RORA: variants seen among roughly 807,000 people sequenced by gnomAD.
RORA encodes the protein RAR related orphan receptor A, also known as nuclear receptor ROR-alpha.
Under a neutral mutation model 69.5 loss-of-function variants are expected in RORA, and 7 were observed. That is an observed-to-expected ratio of 0.10 (90% CI 0.06 to 0.19). RORA has a LOEUF of 0.19. Ranked by LOEUF, RORA falls within the 10% of genes least tolerant of loss-of-function variation. RORA has a pLI of 1.00. For synonymous variants in RORA, 261 were observed against 240.8 expected, an observed-to-expected ratio of 1.08 and a Z score of -0.78; for missense variants, 457 against 663.0, an observed-to-expected ratio of 0.69 and a Z score of 3.41.
Position 60,866,850 on chromosome 15 carries a change from A to ATCTATCTG in RORA, c.167-188165_167-188164insCAGATAGA, listed in dbSNP as rs1267155650. On this transcript the variant is annotated intron_variant, in intron 1 of 10. Coordinates refer to ENST00000335670, the MANE Select transcript of RORA (RefSeq NM_134261.3). ...TATCTATCTATCTATCTATCTATCT[A>ATCTATCTG]TCTACCTACCTACCTATCTACCTAT... 4.7e-5 allele frequency among the ~76,000 whole-genome samples: 7 copies of ATCTATCTG among 149,538 alleles called. No homozygotes were observed. In the East Asian group the frequency reaches 1.4e-3, roughly 29 times the overall value.
At position 60,531,510 on chromosome 15, in the gene RORA, A is replaced by G. The variant is rs751246583; in HGVS notation, c.282+256T>C. 1 of 393,014 alleles carries G rather than the reference A, an allele frequency of 2.5e-6. No homozygotes were observed. The highest frequency in any genetic ancestry group is 2.1e-5 in the African/African-American group (1 of 46,788). The allele number at this position is 393,014 out of a possible 1,614,324, so 24.3% of individuals were successfully genotyped here. ...GCCACAGAGATTGCTCATGAGTTCA[A>G]CTCTGGGGTTGAAAGTGATAAACAA... On this transcript the variant is annotated intron_variant, in intron 3 of 10. Coordinates refer to ENST00000335670, the MANE Select transcript of RORA (RefSeq NM_134261.3). This position sits in a 1 kb window ranked among gnomAD's most constrained non-coding sequence, Gnocchi z 4.8.
intron 1 of RORA, among the ~76,000 whole-genome samples, chr15:60,816,839 T>A (rs192486857): frequency 1.5e-3 from 230 of 152,284 alleles, no homozygotes; most frequent in African/African-American, 5.2e-3. Context: ...ATAATTGTTA[T>A]GTTTTTCTAA....
chr15:60,963,058 C>T (rs60096927), intron 1 of RORA, among the ~76,000 whole-genome samples: 1,604 of 152,318 alleles, frequency 0.011, 29 homozygotes, highest in African/African-American at 0.036. Flanking sequence ...CTATAAGCAG[C>T]AATCATACTG....
chr15:61,208,617 C>T (rs936275740), intron 1 of RORA, among the ~76,000 whole-genome samples: 4 of 151,928 alleles, frequency 2.6e-5, no homozygotes, highest in Admixed American at 2.0e-4. Context: ...TTTGGTGGTT[C>T]CTTTAAAAAT....
chr15:61,015,452 AAATT>A (rs1176775204), intron 1 of RORA, among the ~76,000 whole-genome samples: 2 of 151,630 alleles, frequency 1.3e-5, no homozygotes, highest in Non-Finnish European at 2.9e-5. Flanking sequence ...TAAGTAAAAA[AAATT>A]AATTACATTG....
intron 1 of RORA, among the ~76,000 whole-genome samples, chr15:61,008,352 T>C (rs1471986781): frequency 6.6e-6 from 1 of 152,000 alleles, no homozygotes; most frequent in Non-Finnish European, 1.5e-5. Context: ...AGGGGGCTAA[T>C]GAAAATATTT....
intron 1 of RORA, among the ~76,000 whole-genome samples, chr15:60,801,019 A>G (rs1207603410): frequency 1.3e-5 from 2 of 152,214 alleles, no homozygotes; most frequent in Non-Finnish European, 2.9e-5. Flanking sequence ...CCACTGAAAA[A>G]CTAGACGTGA....
intron 6 of RORA, among the ~76,000 whole-genome samples, chr15:60,504,813 C>T (rs906991963): frequency 6.6e-6 from 1 of 152,140 alleles, no homozygotes; most frequent in Non-Finnish European, 1.5e-5. Flanking sequence ...TCGTTGCTAA[C>T]TTGTTTCCCC....
chr15:60,814,153 T>A (rs959311019), intron 1 of RORA, among the ~76,000 whole-genome samples: 8 of 152,182 alleles, frequency 5.3e-5, no homozygotes, highest in African/African-American at 1.9e-4. Flanking sequence ...TCCTACAGTG[T>A]CATGTCTCCA....
At chr15:60,578,765 C>CTTTTTTTTTTTT (rs768047660) in intron 2 of RORA, among the ~76,000 whole-genome samples, 3 of 138,908 alleles carry the variant, frequency 2.2e-5, no homozygotes, top group Admixed American at 7.3e-5. Context: ...TTAAATGAAA[C>CTTTTTTTTTTTT]TTTTTTTTTT....
At chr15:60,597,490 T>C (rs1281287394) in intron 2 of RORA, among the ~76,000 whole-genome samples, 1 of 127,726 alleles carries the variant, frequency 7.8e-6, no homozygotes, top group African/African-American at 2.9e-5. Flanking sequence ...CCCATTCCTA[T>C]ACCTGGCAGT....
At chr15:60,813,228 A>G (rs1042821442) in intron 1 of RORA, among the ~76,000 whole-genome samples, 4 of 152,200 alleles carry the variant, frequency 2.6e-5, no homozygotes, top group Non-Finnish European at 5.9e-5. Flanking sequence ...ACTGGGAAAT[A>G]CCATATCCTC....
At chr15:61,182,339 T>C (rs2079694646) in intron 1 of RORA, among the ~76,000 whole-genome samples, 3 of 152,212 alleles carry the variant, frequency 2.0e-5, no homozygotes. Flanking sequence ...CACTTCAGTG[T>C]TGTTGCCATG....
chr15:61,137,464 G>A (rs1173346885), intron 1 of RORA, among the ~76,000 whole-genome samples: 1 of 152,184 alleles, frequency 6.6e-6, no homozygotes, highest in African/African-American at 2.4e-5. Flanking sequence ...TTAGTATAAT[G>A]CACACACTTA....
At chr15:60,763,096 T>TTTAA (rs375632043) in intron 1 of RORA, among the ~76,000 whole-genome samples, 2 of 109,432 alleles carry the variant, frequency 1.8e-5, no homozygotes, top group Admixed American at 1.2e-4. Context: ...TTTTTTTTTT[T>TTTAA]AACCAACCTA....
chr15:60,993,482 T>C (rs1475479393), intron 1 of RORA, among the ~76,000 whole-genome samples: 1 of 151,802 alleles, frequency 6.6e-6, no homozygotes, highest in Non-Finnish European at 1.5e-5. Context: ...CTACTAAGAA[T>C]ACAAAAATTA....
intron 1 of RORA, among the ~76,000 whole-genome samples, chr15:60,902,891 C>T (rs999545736): frequency 5.9e-5 from 9 of 152,170 alleles, no homozygotes; most frequent in Non-Finnish European, 7.3e-5. Flanking sequence ...AATCTAGGGG[C>T]GTACTCCGCT....
At chr15:60,889,360 GGGA>G (rs2073788336) in intron 1 of RORA, among the ~76,000 whole-genome samples, 1 of 121,200 alleles carries the variant, frequency 8.3e-6, no homozygotes, top group African/African-American at 3.1e-5. Flanking sequence ...CGGGGGGGGG[GGGA>G]AGGAAATCCC....
intron 1 of RORA, among the ~76,000 whole-genome samples, chr15:61,228,016 C>T (rs559381463): frequency 6.8e-6 from 1 of 147,234 alleles, no homozygotes; most frequent in Non-Finnish European, 1.5e-5. Context: ...GCAACTGAGT[C>T]CCCCCCATCC....
Sources: gnomAD v4.1 joint callset for allele counts (sites outside exome capture counted in the v4.1 genomes callset) on GRCh38, gnomAD v4.1.1 for gene constraint, Gnocchi (gnomAD v3.1) non-coding constraint, MANE v1.5 for transcripts, NCBI Gene and HGNC (gene_info 2026-07-23, HGNC 2026-07-21) for gene names.